The following SLC67A1 variants were observed in gnomAD, a reference collection of about 807,000 sequenced individuals.
SLC67A1 encodes the protein solute carrier family 67 member A1.
chr11:2,914,674 G>A, the SLC67A1 span: 1 of 984,326 alleles, frequency 1.0e-6, no homozygotes, highest in Non-Finnish European at 1.2e-6. Flanking sequence ...CTGGCTTCCT[G>A]CCACCATGCC....
the SLC67A1 span, chr11:2,909,707 A>G: frequency 6.5e-7 from 1 of 1,528,214 alleles, no homozygotes; most frequent in Non-Finnish European, 8.8e-7. Flanking sequence ...GTCTCCGCGT[A>G]CGGGTGAGTG....
At chr11:2,909,646 C>CTCTGCTTCGGCG in the SLC67A1 span, 1 of 1,536,650 alleles carries the variant, frequency 6.5e-7, no homozygotes, top group Admixed American at 2.0e-5. Flanking sequence ...CCGGCTGGGC[C>CTCTGCTTCGGCG]TCTGCTTCGG....
the SLC67A1 span, chr11:2,903,805 T>G: frequency 2.6e-6 from 1 of 381,484 alleles, no homozygotes; most frequent in African/African-American, 2.0e-5. Flanking sequence ...CCGGCAGCCT[T>G]TGCCCTCTGG....
At chr11:2,911,916 C>G in the SLC67A1 span, among the ~76,000 whole-genome samples, 19 of 152,236 alleles carry the variant, frequency 1.2e-4, no homozygotes, top group Non-Finnish European at 2.5e-4. Flanking sequence ...CTGCCCACAC[C>G]TGCCAGAACA....
the SLC67A1 span, among the ~76,000 whole-genome samples, chr11:2,906,887 GA>G: frequency 4.1e-4 from 41 of 101,188 alleles, no homozygotes; most frequent in South Asian, 5.4e-3. Context: ...AGAGAGAAAA[GA>G]AAAAAAAAAA....
At chr11:2,905,051 T>C in the SLC67A1 span, among the ~76,000 whole-genome samples, 1 of 151,970 alleles carries the variant, frequency 6.6e-6, no homozygotes, top group Admixed American at 6.6e-5. Flanking sequence ...GAAGGAGGCA[T>C]GGACAGGAGG....
the SLC67A1 span, chr11:2,903,080 C>G: frequency 2.0e-4 from 128 of 650,674 alleles, no homozygotes; most frequent in Non-Finnish European, 2.8e-4. Flanking sequence ...TCTCCCCTCC[C>G]CGGGAGGCTG....
chr11:2,901,062 C>A, the SLC67A1 span, among the ~76,000 whole-genome samples: 6 of 152,182 alleles, frequency 3.9e-5, no homozygotes, highest in African/African-American at 1.4e-4. Flanking sequence ...ATTTCTATGA[C>A]CTGCCCTGGG....
the SLC67A1 span, among the ~76,000 whole-genome samples, chr11:2,907,742 G>A: frequency 6.6e-6 from 1 of 152,152 alleles, no homozygotes; most frequent in African/African-American, 2.4e-5. The surrounding 1 kb of genome is among the most constrained non-coding windows in gnomAD (Gnocchi z 6.7). Context: ...GGATATAAGG[G>A]TGTCCCTGGG....
chr11:2,905,092 G>A, the SLC67A1 span, among the ~76,000 whole-genome samples: 4 of 152,204 alleles, frequency 2.6e-5, no homozygotes, highest in East Asian at 3.9e-4. Context: ...AGTTGGGGAC[G>A]GGTTGAGTTT....
chr11:2,922,049 G>A, the SLC67A1 span: 7 of 1,352,376 alleles, frequency 5.2e-6, no homozygotes, highest in East Asian at 2.3e-5. Flanking sequence ...CAGTCCAGAC[G>A]CCCCTCCCTC....
At chr11:2,908,335 AGTGT>A in the SLC67A1 span, 2 of 1,573,862 alleles carry the variant, frequency 1.3e-6, no homozygotes, top group Non-Finnish European at 1.7e-6. Context: ...TGGCAGGTAC[AGTGT>A]GTGTGTGTAC....
the SLC67A1 span, chr11:2,899,713 CTGTTCATG>C: frequency 6.8e-7 from 1 of 1,461,214 alleles, no homozygotes; most frequent in Admixed American, 2.6e-5. Context: ...CACACTGAGC[CTGTTCATG>C]ACAAAAAAAA....
At chr11:2,914,376 C>T in the SLC67A1 span, among the ~76,000 whole-genome samples, 1 of 152,166 alleles carries the variant, frequency 6.6e-6, no homozygotes, top group Non-Finnish European at 1.5e-5. Context: ...TCAATGGTCC[C>T]GGGGGATGCC....
the SLC67A1 span, among the ~76,000 whole-genome samples, chr11:2,912,766 T>C: frequency 6.6e-6 from 1 of 152,086 alleles, no homozygotes; most frequent in Non-Finnish European, 1.5e-5. Flanking sequence ...CTGTGACTCA[T>C]GTTCTGAGCC....
the SLC67A1 span, chr11:2,916,995 C>T: frequency 7.2e-4 from 386 of 536,942 alleles, 3 homozygotes; most frequent in Admixed American, 1.7e-3. Context: ...ACAGGGAAGG[C>T]GTTAGGAGGG....
At chr11:2,910,160 C>T in the SLC67A1 span, among the ~76,000 whole-genome samples, 1 of 152,146 alleles carries the variant, frequency 6.6e-6, no homozygotes, top group African/African-American at 2.4e-5. Context: ...AGTCCCCGAA[C>T]GTTCTCCCAG....
At chr11:2,905,546 T>G in the SLC67A1 span, among the ~76,000 whole-genome samples, 1 of 152,228 alleles carries the variant, frequency 6.6e-6, no homozygotes, top group Non-Finnish European at 1.5e-5. Flanking sequence ...ATGGTTTATA[T>G]GTGCCACATT....
the SLC67A1 span, chr11:2,917,971 T>G: frequency 6.3e-7 from 1 of 1,599,916 alleles, no homozygotes; most frequent in African/African-American, 1.3e-5. Flanking sequence ...CAGGCCTGAA[T>G]GGCCTCTCCG....
Sources: gnomAD v4.1 joint callset for allele counts (sites outside exome capture counted in the v4.1 genomes callset) on GRCh38, gnomAD v4.1.1 for gene constraint, Gnocchi (gnomAD v3.1) non-coding constraint, MANE v1.5 for transcripts, NCBI Gene and HGNC (gene_info 2026-07-23, HGNC 2026-07-21) for gene names.